The following NFATC1 variants were observed in gnomAD, a reference collection of about 807,000 sequenced individuals.
NFATC1 encodes the protein nuclear factor of activated T cells 1.
In NFATC1, 22 loss-of-function variants were observed where a neutral mutation model predicts 76.0. The ratio of observed to expected loss-of-function variants is 0.29; its 90% CI spans 0.21 to 0.41. The LOEUF is 0.41. Among genes scored for constraint, NFATC1 ranks in the 10% least tolerant of loss-of-function variants. The pLI, the probability that NFATC1 is intolerant of heterozygous loss-of-function variation, is 1.00. For missense variants in NFATC1, 1,357 were observed against 1,337.7 expected, an observed-to-expected ratio of 1.01 and a Z score of -0.23; for synonymous variants, 704 against 613.1, an observed-to-expected ratio of 1.15 and a Z score of -2.19.
intron 8 of NFATC1, chr18:79,467,913 T>G: frequency 8.8e-7 from 1 of 1,138,728 alleles, no homozygotes; most frequent in Non-Finnish European, 1.1e-6. Context: ...GGTGTGCATT[T>G]GCACCCTAAA....
At chr18:79,456,870 C>T (rs1466136561) in intron 6 of NFATC1, among the ~76,000 whole-genome samples, 1 of 152,210 alleles carries the variant, frequency 6.6e-6, no homozygotes, top group Non-Finnish European at 1.5e-5. Context: ...TGGGAATTCC[C>T]AGCTCCAGCG....
Position 79,528,799 on chromosome 18 carries a change from G to A in NFATC1, c.*1222G>A, listed in dbSNP as rs561558586. ...TTTTCAGATGAGTTACTGTTAACAG[G>A]TAGGTTTGTGTAGGCCTTGCTGGGC... On this transcript the variant is annotated 3_prime_UTR_variant, in exon 10 of 10. Coordinates refer to ENST00000427363, the MANE Select transcript of NFATC1 (RefSeq NM_001278669.2). 1.3e-5 allele frequency: 2 copies of A among 152,588 alleles called. No individual in the cohort carries two copies. The highest frequency in any genetic ancestry group is 2.1e-4 in the South Asian group (1 of 4,828). The allele number at this position is 152,588 out of a possible 1,614,324, so 9.5% of individuals were successfully genotyped here.
chr18:79,475,391 G>T (rs2089021350), intron 8 of NFATC1, among the ~76,000 whole-genome samples: 1 of 151,376 alleles, frequency 6.6e-6, no homozygotes, highest in Non-Finnish European at 1.5e-5. Flanking sequence ...TGCGAGGGAA[G>T]CGTGTTCTCA....
chr18:79,522,713 C>G (rs1356320726), intron 9 of NFATC1, among the ~76,000 whole-genome samples: 1 of 152,054 alleles, frequency 6.6e-6, no homozygotes, highest in Non-Finnish European at 1.5e-5. Flanking sequence ...AGGGAAGGGA[C>G]GGGGGCCAGA....
At chr18:79,462,824 G>C (rs940973071) in intron 7 of NFATC1, among the ~76,000 whole-genome samples, 1 of 139,526 alleles carries the variant, frequency 7.2e-6, no homozygotes. Context: ...GTGTCCCTGC[G>C]GGTCGGGGAG....
chr18:79,401,100 A>G (rs117955674), intron 1 of NFATC1, among the ~76,000 whole-genome samples: 2,497 of 150,488 alleles, frequency 0.017, 20 homozygotes, highest in South Asian at 0.034. Flanking sequence ...AACAAACCAC[A>G]AATAACTCCC....
intron 7 of NFATC1, among the ~76,000 whole-genome samples, chr18:79,464,156 C>G: frequency 6.6e-6 from 1 of 152,234 alleles, no homozygotes; most frequent in Non-Finnish European, 1.5e-5. Flanking sequence ...GTGGCTCGAT[C>G]TCAGCTCATT....
chr18:79,461,474 T>C, intron 7 of NFATC1, 108 bp downstream of exon 7: 1 of 708,940 alleles, frequency 1.4e-6, no homozygotes, highest in Non-Finnish European at 2.0e-6. Context: ...CTGGGGTTCC[T>C]GTTTCTTAGA....
At chr18:79,454,498 C>T (rs976887946) in intron 6 of NFATC1, among the ~76,000 whole-genome samples, 7 of 152,132 alleles carry the variant, frequency 4.6e-5, no homozygotes, top group East Asian at 3.9e-4. Flanking sequence ...GGGAGCCGGC[C>T]GGGCAAGGGC....
At chr18:79,521,547 GT>G (rs1367770813) in intron 9 of NFATC1, among the ~76,000 whole-genome samples, 42 of 2,102 alleles carry the variant, frequency 0.02, no homozygotes, top group Admixed American at 0.023. Context: ...GTATGTGTGT[GT>G]GGGGGGGCAT....
intron 7 of NFATC1, among the ~76,000 whole-genome samples, chr18:79,463,854 G>GCTGCCCAGCCGCTGGC (rs2088285397): frequency 6.6e-6 from 1 of 152,156 alleles, no homozygotes; most frequent in Non-Finnish European, 1.5e-5. Context: ...CCGGAGCTGG[G>GCTGCCCAGCCGCTGGC]CTGCCCAGCC....
At position 79,411,315 on chromosome 18, in the gene NFATC1, C is replaced by T. The variant is rs746634884; in HGVS notation, c.1040C>T (p.Ala347Val). 3.2e-5 allele frequency: 52 copies of T among 1,602,068 alleles called. No individual in the cohort carries two copies. In the South Asian group the frequency reaches 4.7e-4, roughly 15 times the overall value. The change falls in exon 2 of 10, where the codon GCG (alanine) becomes GTG (valine). Residue 347 changes from alanine to valine, a missense_variant. Around this residue, in one of 3 missense-constraint regions of NFATC1, gnomAD observed 691 missense variants for 613.1 expected, o/e 1.13. Transcript: ENST00000427363. ...KTTLEQPPSV[A>V]LKVEPVGEDL... Reference sequence around the variant, plus strand: ...ACCCTGGAGCAGCCGCCCTCAGTGGCGCTCAAGGTGGAGCCCGTCGGGGAG... The same window carrying T: ...ACCCTGGAGCAGCCGCCCTCAGTGGTGCTCAAGGTGGAGCCCGTCGGGGAG...
At chr18:79,440,934 C>T (rs539253091) in intron 3 of NFATC1, among the ~76,000 whole-genome samples, 1 of 152,308 alleles carries the variant, frequency 6.6e-6, no homozygotes, top group African/African-American at 2.4e-5. Flanking sequence ...CGGCTGGGAG[C>T]ACCCATGGGC....
At chr18:79,518,224 G>A (rs2090430750) in intron 9 of NFATC1, among the ~76,000 whole-genome samples, 1 of 152,270 alleles carries the variant, frequency 6.6e-6, no homozygotes, top group Non-Finnish European at 1.5e-5. Flanking sequence ...TGTCTGAACA[G>A]CTTTTCCCAT....
chr18:79,460,310 G>A (rs1234732886), intron 6 of NFATC1, among the ~76,000 whole-genome samples: 1 of 152,264 alleles, frequency 6.6e-6, no homozygotes, highest in African/African-American at 2.4e-5. Context: ...ACTTAAGTGT[G>A]TATACCTGTA....
chr18:79,429,537 C>T (rs559932608), intron 2 of NFATC1, among the ~76,000 whole-genome samples: 1 of 152,148 alleles, frequency 6.6e-6, no homozygotes, highest in Non-Finnish European at 1.5e-5. Flanking sequence ...GACTGAAGCA[C>T]GCCTGCCCGA....
chr18:79,482,758 T>A (rs1399994307), intron 8 of NFATC1, among the ~76,000 whole-genome samples: 1 of 136,488 alleles, frequency 7.3e-6, no homozygotes, highest in Non-Finnish European at 1.6e-5. Context: ...CAGCGTGACC[T>A]CGTTCCTGGG....
intron 2 of NFATC1, among the ~76,000 whole-genome samples, chr18:79,430,772 G>A (rs377085158): frequency 7.9e-5 from 12 of 151,210 alleles, no homozygotes; most frequent in African/African-American, 2.7e-4. Flanking sequence ...CGCATCATCT[G>A]CGACTTTGTT....
At chr18:79,500,777 T>A (rs2089995915) in intron 9 of NFATC1, among the ~76,000 whole-genome samples, 1 of 152,126 alleles carries the variant, frequency 6.6e-6, no homozygotes, top group South Asian at 2.1e-4. Context: ...TAGACACGAA[T>A]TACCTAAACT....
Sources: gnomAD v4.1 joint callset for allele counts (sites outside exome capture counted in the v4.1 genomes callset) on GRCh38, gnomAD v4.1.1 for gene constraint, gnomAD v4.1.1 regional missense constraint, MANE v1.5 for transcripts, NCBI Gene and HGNC (gene_info 2026-07-23, HGNC 2026-07-21) for gene names.